Variants in TRERF1 observed in about 807,000 individuals in gnomAD.
TRERF1 encodes transcriptional regulating factor 1.
In TRERF1, 27 loss-of-function variants were observed where a neutral mutation model predicts 122.9. The observed-to-expected ratio is 0.22, with a 90% CI of 0.16 to 0.30. The LOEUF is 0.30. TRERF1 is among the 10% of genes least tolerant of loss of function. The pLI is 1.00. For synonymous variants in TRERF1, 636 were observed against 641.7 expected (o/e 0.99, Z 0.13); for missense variants, 1,248 against 1,560.3 (o/e 0.80, Z 3.37).
At chr6:42,350,356 G>C (rs1405107327) in intron 3 of TRERF1, among the ~76,000 whole-genome samples, 2 of 152,216 alleles carry the variant, frequency 1.3e-5, no homozygotes, top group Non-Finnish European at 2.9e-5. Context: ...CTGCGCCACA[G>C]TTTGTGTCCC....
Position 42,334,032 on chromosome 6 carries a change from T to A in TRERF1, c.-371+28965A>T, listed in dbSNP as rs529327591. 4.0e-5 allele frequency among the ~76,000 whole-genome samples: 6 copies of A among 151,850 alleles called. No individual in the cohort carries two copies. The East Asian group carries it at 1.2e-3, about 29-fold the overall frequency. On this transcript the variant is annotated intron_variant, in intron 3 of 17. Transcript: ENST00000372922. ...ACACACACACACACACACACGTATG[T>A]ACACATATATGTATATGTATATGTA...
At position 42,269,199 on chromosome 6, in the gene TRERF1, C is replaced by T. The variant is rs769644464; in HGVS notation, c.392G>A (p.Arg131Gln). The change falls in exon 5 of 18, where the codon CGG becomes CAG. Residue 131 changes from arginine (R) to glutamine (Q), a missense_variant. Physicochemically the swap from Arg to Gln is conservative, Grantham distance 43. Around this residue, in one of 5 missense-constraint regions of TRERF1, gnomAD observed 946 missense variants for 1,073.0 expected, o/e 0.88. Coordinates refer to ENST00000372922, the Ensembl canonical transcript of TRERF1. The surrounding 1 kb of genome is among the most constrained non-coding windows in gnomAD (Gnocchi z 4.9). ...GACACCGCTGGTAAGCTTCTGGGTC[C>T]GGATCTCGCTGGCCTGGGAGTAGGT... The T allele has an allele frequency of 3.3e-5, 54 of 1,614,062 alleles. No homozygotes were observed. Among genetic ancestry groups the T allele is most frequent in the Non-Finnish European group, 3.7e-5 (44 of 1,180,042 alleles).
chr6:42,419,809 G>A (rs1782498835), intron 2 of TRERF1, among the ~76,000 whole-genome samples: 1 of 152,168 alleles, frequency 6.6e-6, no homozygotes, highest in Non-Finnish European at 1.5e-5. Context: ...CTCCTGCCGT[G>A]GTGTTGACTG....
intron 2 of TRERF1, among the ~76,000 whole-genome samples, chr6:42,412,019 A>G (rs1781173275): frequency 3.2e-5 from 1 of 31,590 alleles, no homozygotes; most frequent in African/African-American, 9.8e-5. Flanking sequence ...TTTTTTTTTG[A>G]GACGGAGTTT....
At chr6:42,248,509 C>T (rs1381150816) in intron 13 of TRERF1, among the ~76,000 whole-genome samples, 1 of 152,102 alleles carries the variant, frequency 6.6e-6, no homozygotes, top group African/African-American at 2.4e-5. Flanking sequence ...CGTGCCACCA[C>T]ACCTGGCTAA....
intron 2 of TRERF1, among the ~76,000 whole-genome samples, chr6:42,408,482 G>A (rs1035591213): frequency 4.7e-5 from 7 of 148,828 alleles, no homozygotes; most frequent in Admixed American, 1.4e-4. Context: ...GGGTTCAAGC[G>A]ATTTTCCTGC....
At chr6:42,333,075 G>A (rs1765513957) in intron 3 of TRERF1, among the ~76,000 whole-genome samples, 1 of 152,196 alleles carries the variant, frequency 6.6e-6, no homozygotes, top group Non-Finnish European at 1.5e-5. Flanking sequence ...TTGAGTGTGT[G>A]AGTCAGCAGA....
chr6:42,364,752 GGAGGCCAGCCTGCGT>G (rs1562069603), intron 2 of TRERF1, among the ~76,000 whole-genome samples: 1 of 152,206 alleles, frequency 6.6e-6, no homozygotes, highest in Non-Finnish European at 1.5e-5. Flanking sequence ...CCCCACCAGT[GGAGGCCAGCCTGCGT>G]GGGCTATGTT....
chr6:42,334,513 C>CA lies in TRERF1; in HGVS notation c.-371+28483dup, dbSNP rs1167928944. ...CGTGGTGATATTTTGATTTGGTTAG[C>CA]AAAAAAAGTGTCTCTGGGACTAATT... On this transcript the variant is annotated intron_variant, in intron 3 of 17. Coordinates refer to ENST00000372922, the Ensembl canonical transcript of TRERF1. 1.1e-4 allele frequency among the ~76,000 whole-genome samples: 16 copies of CA among 151,968 alleles called. No homozygotes were observed. In the East Asian group the frequency reaches 2.7e-3, roughly 26 times the overall value.
chr6:42,244,479 T>C (rs958961214), intron 14 of TRERF1, among the ~76,000 whole-genome samples: 5 of 152,240 alleles, frequency 3.3e-5, no homozygotes, highest in African/African-American at 1.2e-4. Context: ...CCACTGTGCC[T>C]GGCCTCCAGA....
Position 42,392,990 on chromosome 6 carries a change from C to T in TRERF1, c.-453-29911G>A, listed in dbSNP as rs1270550452. ...GTCAATTTCCATGGTATAAATACTC[C>T]CACTATGGCGTTTCAAGCTGCCGAC... is the stretch of plus-strand genomic sequence containing the variant. On this transcript the variant is annotated intron_variant, in intron 2 of 17. Coordinates refer to ENST00000372922, the Ensembl canonical transcript of TRERF1. Among the ~76,000 whole-genome samples, 6 of 150,728 alleles carry T rather than the reference C, an allele frequency of 4.0e-5. No homozygotes were observed. In the East Asian group the frequency reaches 1.2e-3, roughly 29 times the overall value.
rs1184861759 is a variant in TRERF1, at chr6:42,424,058, T to C, written c.-454+27119A>G. On this transcript the variant is annotated intron_variant, in intron 2 of 17. Coordinates refer to ENST00000372922, the Ensembl canonical transcript of TRERF1. The stretch of plus-strand genomic sequence containing the variant: ...ATTCACTCAAACCATTACATGTAGA[T>C]GTTGTTCATTCATTTTGCTGCTGTA... Among the ~76,000 whole-genome samples, 6 of 152,374 alleles carry C rather than the reference T, an allele frequency of 3.9e-5. No homozygotes were observed. The East Asian group carries it at 9.6e-4, about 24-fold the overall frequency.
chr6:42,450,317 C>A (rs905095037), intron 2 of TRERF1, among the ~76,000 whole-genome samples: 1 of 152,202 alleles, frequency 6.6e-6, no homozygotes, highest in African/African-American at 2.4e-5. Context: ...GCACCTGGAC[C>A]GGTTTTCAGG....
At chr6:42,387,474 C>T (rs965758592) in intron 2 of TRERF1, among the ~76,000 whole-genome samples, 3 of 152,216 alleles carry the variant, frequency 2.0e-5, no homozygotes, top group Admixed American at 6.5e-5. Flanking sequence ...ATTTCCTTTA[C>T]GTTCTTCCAC....
chr6:42,264,947 A>C (rs1778894485), intron 6 of TRERF1, 93 bp from the exon 7 acceptor site: 1 of 1,365,066 alleles, frequency 7.3e-7, no homozygotes, highest in African/African-American at 1.4e-5. Flanking sequence ...CCACAAACCC[A>C]TTTCATTCAT....
intron 2 of TRERF1, among the ~76,000 whole-genome samples, chr6:42,450,921 A>G (rs1403858406): frequency 2.0e-5 from 3 of 152,104 alleles, no homozygotes; most frequent in Non-Finnish European, 4.4e-5. Flanking sequence ...CAAGCCCACC[A>G]TCACTACCTT....
intron 4 of TRERF1, among the ~76,000 whole-genome samples, chr6:42,280,290 T>C (rs1399430133): frequency 6.6e-6 from 1 of 152,202 alleles, no homozygotes; most frequent in African/African-American, 2.4e-5. Context: ...GCTGGAGGCC[T>C]TCCAGCAGGA....
At chr6:42,355,960 T>C (rs1030831711) in intron 3 of TRERF1, among the ~76,000 whole-genome samples, 3 of 152,232 alleles carry the variant, frequency 2.0e-5, no homozygotes, top group Non-Finnish European at 2.9e-5. Flanking sequence ...TCAAATTTCA[T>C]TGAGGCTGAC....
chr6:42,445,487 A>T lies in TRERF1; in HGVS notation c.-454+5690T>A, dbSNP rs909948377. 4.6e-5 allele frequency among the ~76,000 whole-genome samples: 7 copies of T among 151,910 alleles called. No individual in the cohort carries two copies. In the South Asian group the frequency reaches 1.0e-3, roughly 23 times the overall value. ...GCATTTAAATGTTCTCTCCATGCCG[A>T]TGGCTCCCACATTTTTATCTCGTGC... On this transcript the variant is annotated intron_variant, in intron 2 of 17. Transcript: ENST00000372922.
Sources: gnomAD v4.1 joint callset for allele counts (sites outside exome capture counted in the v4.1 genomes callset) on GRCh38, gnomAD v4.1.1 for gene constraint, gnomAD v4.1.1 regional missense constraint, Gnocchi (gnomAD v3.1) non-coding constraint, MANE v1.5 for transcripts, NCBI Gene and HGNC (gene_info 2026-07-23, HGNC 2026-07-21) for gene names.